OR1J2: variants seen among roughly 807,000 people sequenced by gnomAD.
OR1J2 encodes olfactory receptor 1J2.
For missense variants in OR1J2, 304 were observed against 246.1 expected (o/e 1.24, Z -1.57); for synonymous variants, 142 against 99.7 (o/e 1.42, Z -2.52).
At chr9:122,541,388 A>C in the OR1J2 span, among the ~76,000 whole-genome samples, 1 of 152,166 alleles carries the variant, frequency 6.6e-6, no homozygotes, top group Non-Finnish European at 1.5e-5. Context: ...AACTAAGAAG[A>C]AAGAGATGAT....
downstream of OR1J2, among the ~76,000 whole-genome samples, chr9:122,515,766 T>C (rs1828691975): frequency 6.6e-6 from 1 of 152,180 alleles, no homozygotes; most frequent in African/African-American, 2.4e-5. Flanking sequence ...TTGGGTCCTT[T>C]CTTCTTTTGT....
At chr9:122,556,424 GTTATA>G in the OR1J2 span, among the ~76,000 whole-genome samples, 24 of 151,454 alleles carry the variant, frequency 1.6e-4, no homozygotes, top group Non-Finnish European at 2.8e-4. Context: ...TCTTTATTCT[GTTATA>G]TTGATCTATT....
At chr9:122,450,194 G>A in the OR1J2 span, among the ~76,000 whole-genome samples, 1 of 152,068 alleles carries the variant, frequency 6.6e-6, no homozygotes, top group Non-Finnish European at 1.5e-5. Flanking sequence ...AATTTGGGAG[G>A]CTGAGATGGG....
At chr9:122,467,768 C>T in the OR1J2 span, among the ~76,000 whole-genome samples, 1 of 152,274 alleles carries the variant, frequency 6.6e-6, no homozygotes, top group South Asian at 2.1e-4. Context: ...ACCAAACAAC[C>T]ATGGGAGGAG....
the OR1J2 span, among the ~76,000 whole-genome samples, chr9:122,547,014 T>C: frequency 6.6e-6 from 1 of 152,170 alleles, no homozygotes; most frequent in East Asian, 1.9e-4. Flanking sequence ...TTAACTATAG[T>C]CATCCTACAG....
the OR1J2 span, among the ~76,000 whole-genome samples, chr9:122,557,165 A>G: frequency 1.7e-3 from 266 of 152,240 alleles, 1 homozygote; most frequent in Admixed American, 3.1e-3. Flanking sequence ...AAATCATGTC[A>G]TCTGAAAATA....
chr9:122,545,618 T>C, the OR1J2 span, among the ~76,000 whole-genome samples: 7 of 152,160 alleles, frequency 4.6e-5, no homozygotes, highest in African/African-American at 1.7e-4. Flanking sequence ...TATTGTCTAA[T>C]TTTAACATAG....
the OR1J2 span, among the ~76,000 whole-genome samples, chr9:122,527,842 G>A: frequency 7.2e-5 from 11 of 152,108 alleles, no homozygotes; most frequent in African/African-American, 2.2e-4. Context: ...TGTAGCTAAC[G>A]CATATTACAT....
the OR1J2 span, among the ~76,000 whole-genome samples, chr9:122,486,175 G>A: frequency 6.6e-6 from 1 of 152,072 alleles, no homozygotes; most frequent in African/African-American, 2.4e-5. Context: ...TGCCAGGCTG[G>A]CCTTGAACTC....
chr9:122,498,454 T>C, the OR1J2 span, among the ~76,000 whole-genome samples: 1 of 152,368 alleles, frequency 6.6e-6, no homozygotes, highest in East Asian at 1.9e-4. Context: ...GTTTTGAAAT[T>C]CTTTAAGTGA....
chr9:122,491,621 C>A, the OR1J2 span, among the ~76,000 whole-genome samples: 3 of 152,122 alleles, frequency 2.0e-5, no homozygotes, highest in Non-Finnish European at 4.4e-5. Context: ...AGTGCTGAAA[C>A]CATTCATTGG....
At chr9:122,547,632 T>C in the OR1J2 span, among the ~76,000 whole-genome samples, 1 of 151,414 alleles carries the variant, frequency 6.6e-6, no homozygotes, top group African/African-American at 2.4e-5. Context: ...TGTGTGTGTG[T>C]GTGTGTGTGT....
the OR1J2 span, among the ~76,000 whole-genome samples, chr9:122,541,318 C>T: frequency 6.6e-6 from 1 of 152,126 alleles, no homozygotes; most frequent in Non-Finnish European, 1.5e-5. Context: ...AAAAAATCCT[C>T]AAAAGGCCCA....
At chr9:122,489,248 G>T in the OR1J2 span, among the ~76,000 whole-genome samples, 3 of 151,738 alleles carry the variant, frequency 2.0e-5, no homozygotes, top group African/African-American at 7.3e-5. Context: ...GAGAAGAAAA[G>T]ACACACACAC....
At chr9:122,565,981 G>A in the OR1J2 span, among the ~76,000 whole-genome samples, 1 of 152,160 alleles carries the variant, frequency 6.6e-6, no homozygotes, top group Non-Finnish European at 1.5e-5. Flanking sequence ...GCATAGCCAT[G>A]TTTGGTGTTA....
the OR1J2 span, among the ~76,000 whole-genome samples, chr9:122,447,929 T>G: frequency 6.6e-6 from 1 of 152,122 alleles, no homozygotes; most frequent in Admixed American, 6.5e-5. Flanking sequence ...TTGAGCCCGA[T>G]GAAGGGAGCC....
chr9:122,570,179 C>G, the OR1J2 span, among the ~76,000 whole-genome samples: 13 of 149,680 alleles, frequency 8.7e-5, no homozygotes, highest in Middle Eastern at 3.4e-3. Context: ...ATTTATAGTC[C>G]TTTGGGTATA....
At chr9:122,492,725 G>A in the OR1J2 span, among the ~76,000 whole-genome samples, 2 of 152,002 alleles carry the variant, frequency 1.3e-5, no homozygotes, top group Non-Finnish European at 2.9e-5. Flanking sequence ...GATTGCTCTG[G>A]CTAGGACTTC....
the OR1J2 span, among the ~76,000 whole-genome samples, chr9:122,488,480 A>G: frequency 2.6e-5 from 4 of 152,336 alleles, no homozygotes; most frequent in East Asian, 7.7e-4. Flanking sequence ...TGGAACTGGA[A>G]GGAGAGGTGT....
Sources: allele counts gnomAD v4.1 joint callset (sites outside exome capture counted in the v4.1 genomes callset), GRCh38; gene constraint gnomAD v4.1.1; transcripts MANE v1.5; gene names NCBI Gene and HGNC (gene_info 2026-07-23, HGNC 2026-07-21).